The following CNTNAP2 variants were observed in gnomAD, a reference collection of about 807,000 sequenced individuals.
CNTNAP2 encodes contactin-associated protein-like 2.
CNTNAP2 carries 98 observed loss-of-function variants against 155.2 expected under a neutral mutation model. That is an observed-to-expected ratio of 0.63 (90% CI 0.54 to 0.75). The LOEUF is 0.75. Ranked by LOEUF, CNTNAP2 falls within the 30% of genes least tolerant of loss-of-function variation. The pLI is 0.00. For missense variants in CNTNAP2, 1,727 were observed against 1,688.1 expected (o/e 1.02, Z -0.40); for synonymous variants, 651 against 631.2 (o/e 1.03, Z -0.47).
chr7:148,198,820 G>A (rs563229818), intron 18 of CNTNAP2, among the ~76,000 whole-genome samples: 2 of 152,326 alleles, frequency 1.3e-5, no homozygotes, highest in South Asian at 4.1e-4. Context: ...TGGAATCCAC[G>A]CATTGCCGTA....
intron 8 of CNTNAP2, among the ~76,000 whole-genome samples, chr7:147,140,219 C>G (rs1438570584): frequency 6.6e-6 from 1 of 152,048 alleles, no homozygotes; most frequent in Non-Finnish European, 1.5e-5. Context: ...ACAATCACTT[C>G]TAGTCTTTCT....
At chr7:146,588,650 A>G (rs1201163191) in intron 1 of CNTNAP2, among the ~76,000 whole-genome samples, 1 of 151,896 alleles carries the variant, frequency 6.6e-6, no homozygotes, top group Admixed American at 6.6e-5. Flanking sequence ...TGGGACTACG[A>G]GTGTATGCCA....
At chr7:147,465,736 G>C (rs1251096784) in intron 10 of CNTNAP2, among the ~76,000 whole-genome samples, 2 of 152,142 alleles carry the variant, frequency 1.3e-5, no homozygotes, top group Non-Finnish European at 2.9e-5. Context: ...TCTTTGGACA[G>C]TTCTAGGCAT....
chr7:148,253,001 G>GATAGACAC (rs1796390508), intron 20 of CNTNAP2, among the ~76,000 whole-genome samples: 1 of 138,842 alleles, frequency 7.2e-6, no homozygotes, highest in African/African-American at 2.8e-5. Context: ...AACAGAGATA[G>GATAGACAC]ATAGATACAT....
intron 13 of CNTNAP2, among the ~76,000 whole-genome samples, chr7:147,640,534 T>C (rs977256006): frequency 6.6e-6 from 1 of 152,122 alleles, no homozygotes. Flanking sequence ...CAGAGACCAA[T>C]GGGCTGTTGG....
intron 10 of CNTNAP2, among the ~76,000 whole-genome samples, chr7:147,402,714 G>T (rs114868114): frequency 0.017 from 2,545 of 152,234 alleles, 74 homozygotes; most frequent in African/African-American, 0.058. Context: ...TGTTGTTGGG[G>T]AGAGGTTAGG....
intron 1 of CNTNAP2, among the ~76,000 whole-genome samples, chr7:146,548,582 A>C (rs1170538965): frequency 6.6e-6 from 1 of 151,986 alleles, no homozygotes; most frequent in East Asian, 1.9e-4. Flanking sequence ...CATTTCCCTG[A>C]TGACTAGTGA....
intron 1 of CNTNAP2, among the ~76,000 whole-genome samples, chr7:146,387,842 C>A (rs547565942): frequency 2.6e-5 from 4 of 152,024 alleles, no homozygotes; most frequent in Admixed American, 2.6e-4. Flanking sequence ...ACTTGTATGT[C>A]AAAGAATTCC....
intron 3 of CNTNAP2, among the ~76,000 whole-genome samples, chr7:147,024,418 A>G (rs965688655): frequency 6.6e-6 from 1 of 152,138 alleles, no homozygotes; most frequent in Non-Finnish European, 1.5e-5. Context: ...GGCTTTCATG[A>G]TTGTACCGTA....
chr7:148,356,990 CG>C (rs1476660367), intron 21 of CNTNAP2, among the ~76,000 whole-genome samples: 1 of 152,074 alleles, frequency 6.6e-6, no homozygotes. Flanking sequence ...TGAGGCCCTG[CG>C]TGATATATAC....
At chr7:146,807,065 A>G (rs1802980654) in intron 2 of CNTNAP2, among the ~76,000 whole-genome samples, 1 of 152,238 alleles carries the variant, frequency 6.6e-6, no homozygotes, top group Non-Finnish European at 1.5e-5. Context: ...TTTTAAGTAC[A>G]TGTAAAAAGC....
At chr7:148,121,190 G>A (rs747356469) in intron 16 of CNTNAP2, among the ~76,000 whole-genome samples, 4 of 151,850 alleles carry the variant, frequency 2.6e-5, no homozygotes, top group Non-Finnish European at 5.9e-5. Flanking sequence ...GCCCGCCACC[G>A]CGCCTGGCTA....
At chr7:146,558,945 C>T (rs1464204803) in intron 1 of CNTNAP2, among the ~76,000 whole-genome samples, 1 of 152,154 alleles carries the variant, frequency 6.6e-6, no homozygotes, top group Non-Finnish European at 1.5e-5. Context: ...CATCTCAAAT[C>T]CTGACAATTT....
At chr7:148,002,396 T>C (rs1801914182) in intron 15 of CNTNAP2, among the ~76,000 whole-genome samples, 1 of 152,102 alleles carries the variant, frequency 6.6e-6, no homozygotes, top group Admixed American at 6.6e-5. Context: ...TCTATGACCC[T>C]CATTGCTAGA....
At chr7:147,583,673 C>T (rs1800561361) in intron 12 of CNTNAP2, among the ~76,000 whole-genome samples, 1 of 151,690 alleles carries the variant, frequency 6.6e-6, no homozygotes, top group African/African-American at 2.4e-5. Context: ...CTCACATGTC[C>T]ACATTGTGGG....
At chr7:147,000,424 T>C (rs1403364230) in intron 3 of CNTNAP2, among the ~76,000 whole-genome samples, 1 of 152,120 alleles carries the variant, frequency 6.6e-6, no homozygotes, top group Non-Finnish European at 1.5e-5. Flanking sequence ...GGTGACTTCA[T>C]GTTTTCCTGA....
chr7:147,149,466 T>A lies in CNTNAP2; in HGVS notation c.1348+16957T>A, dbSNP rs117625575. Among the ~76,000 whole-genome samples, 13 of 152,106 alleles carry A rather than the reference T, an allele frequency of 8.5e-5. No individual in the cohort carries two copies. The East Asian group carries it at 2.5e-3, about 29-fold the overall frequency. ...CATAAACATATCACTATTCAATGAATACAAAAAAGGGCAAAAAGAAAGAAA... is the reference window on the plus strand; with the variant it reads ...CATAAACATATCACTATTCAATGAAAACAAAAAAGGGCAAAAAGAAAGAAA... On this transcript the variant is annotated intron_variant, in intron 8 of 23. Coordinates refer to ENST00000361727, the MANE Select transcript of CNTNAP2 (RefSeq NM_014141.6).
At chr7:147,368,083 C>T (rs987815128) in intron 9 of CNTNAP2, among the ~76,000 whole-genome samples, 5 of 46,556 alleles carry the variant, frequency 1.1e-4, no homozygotes, top group African/African-American at 3.2e-4. Context: ...CCCTCCTTTC[C>T]TCTCTCTCTC....
At chr7:147,763,495 G>A (rs917740752) in intron 13 of CNTNAP2, among the ~76,000 whole-genome samples, 1 of 151,720 alleles carries the variant, frequency 6.6e-6, no homozygotes, top group Non-Finnish European at 1.5e-5. Context: ...TCTGACAGTT[G>A]CAAAGAAGAG....
Sources: allele counts gnomAD v4.1 joint callset (sites outside exome capture counted in the v4.1 genomes callset), GRCh38; gene constraint gnomAD v4.1.1; transcripts MANE v1.5; gene names NCBI Gene and HGNC (gene_info 2026-07-23, HGNC 2026-07-21).